BTBD8: variants seen among roughly 807,000 people sequenced by gnomAD.
The protein encoded by BTBD8 is BTB domain containing 8, also known as BTB/POZ domain-containing protein 8.
BTBD8 carries 110 observed loss-of-function variants against 162.9 expected under a neutral mutation model. The observed-to-expected ratio is 0.68, with a 90% CI of 0.58 to 0.79. The LOEUF (loss-of-function observed/expected upper bound fraction) is 0.79. Among genes scored for constraint, BTBD8 ranks in the 30% least tolerant of loss-of-function variants. The pLI is 0.00. For missense variants in BTBD8, 1,905 were observed against 2,085.4 expected (o/e 0.91, Z 1.68); for synonymous variants, 667 against 716.1 (o/e 0.93, Z 1.10).
intron 9 of BTBD8, among the ~76,000 whole-genome samples, chr1:92,162,945 G>T (rs937306050): frequency 1.3e-5 from 2 of 152,230 alleles, no homozygotes; most frequent in Middle Eastern, 6.8e-3. Context: ...TTAAGTAGAG[G>T]ACTGGTTAAA....
At chr1:92,102,783 C>A in intron 3 of BTBD8, 114 bp downstream of exon 3, 2 of 999,870 alleles carry the variant, frequency 2.0e-6, no homozygotes, top group Non-Finnish European at 2.7e-6. Context: ...TTTTAATAAG[C>A]ATGGAGAACT....
At chr1:92,088,568 AT>A (rs1383801743) in intron 1 of BTBD8, 129 bp from the exon 2 acceptor site, 1 of 696,806 alleles carries the variant, frequency 1.4e-6, no homozygotes, top group East Asian at 3.1e-5. Context: ...GAACAAACTC[AT>A]TTTTGTATTA....
At chr1:92,082,936 C>T (rs1311351633) in intron 1 of BTBD8, among the ~76,000 whole-genome samples, 1 of 151,968 alleles carries the variant, frequency 6.6e-6, no homozygotes, top group African/African-American at 2.4e-5. Context: ...TCTCATGAAT[C>T]CTGTGAGGTA....
At chr1:92,127,804 G>A (rs986119779) in intron 4 of BTBD8, among the ~76,000 whole-genome samples, 2 of 151,870 alleles carry the variant, frequency 1.3e-5, no homozygotes, top group South Asian at 2.1e-4. Context: ...CAAGTGATCC[G>A]CCCGCCATGG....
intron 1 of BTBD8, among the ~76,000 whole-genome samples, chr1:92,087,352 A>G (rs1490059443): frequency 6.6e-6 from 1 of 152,160 alleles, no homozygotes; most frequent in African/African-American, 2.4e-5. Context: ...GAGTGTTTGT[A>G]GAGTTTCTAT....
chr1:92,138,793 G>A (rs1304359799), intron 5 of BTBD8, among the ~76,000 whole-genome samples: 2 of 152,220 alleles, frequency 1.3e-5, no homozygotes, highest in East Asian at 3.8e-4. Context: ...AGAAGGTCAT[G>A]AATTTAGAGT....
Position 92,182,511 on chromosome 1 carries a change from C to G in BTBD8, c.4828C>G (p.Arg1610Gly). 1 of 1,547,974 alleles carries G rather than the reference C, an allele frequency of 6.5e-7. No individual in the cohort carries two copies. The highest frequency in any genetic ancestry group is 8.7e-7 in the Non-Finnish European group (1 of 1,145,304). Residue 1610 changes from arginine to glycine, a missense_variant, in exon 17 of 18, where the codon CGG becomes GGG. This residue lies in a region of BTBD8 where 517 missense variants were observed against 606.6 expected (regional missense o/e 0.85). Coordinates refer to ENST00000636805, the MANE Select transcript of BTBD8 (RefSeq NM_001376131.1). ...NSSTKSLDSFRSQVLPQEGPV... is the reference protein window; with the variant it reads ...NSSTKSLDSFGSQVLPQEGPV... ...CTCTACAAAATCTCTAGACTCCTTT[C>G]GGAGTCAAGTTCTGCCTCAGGAAGG...
In BTBD8 at chr1:92,129,668, T is replaced by TC; in HGVS notation, c.663-13dup. 6.3e-7 allele frequency: 1 copy of TC among 1,581,886 alleles called. No individual in the cohort carries two copies. Among genetic ancestry groups the TC allele is most frequent in the Non-Finnish European group, 8.7e-7 (1 of 1,150,786 alleles). ...ATATGTAAATGTTTACCTGTGTTTC[T>TC]CCCCCCTCTTCCCTTTAGGGCCATT... On this transcript the variant is annotated intron_variant, in intron 4 of 17. Coordinates refer to ENST00000636805, the MANE Select transcript of BTBD8 (RefSeq NM_001376131.1).
chr1:92,177,740 C>A, intron 14 of BTBD8, 71 bp from the exon 15 acceptor site: 1 of 966,350 alleles, frequency 1.0e-6, no homozygotes, highest in Non-Finnish European at 1.6e-6. Context: ...TAGTGTCTAA[C>A]CAGTAAACTT....
At chr1:92,173,171 C>T (rs943354635) in intron 13 of BTBD8, among the ~76,000 whole-genome samples, 4 of 152,184 alleles carry the variant, frequency 2.6e-5, no homozygotes, top group African/African-American at 9.7e-5. Context: ...GTGATCTGCC[C>T]GCCTCGGCCT....
intron 1 of BTBD8, among the ~76,000 whole-genome samples, chr1:92,083,381 T>C (rs1648077472): frequency 6.6e-6 from 1 of 152,156 alleles, no homozygotes; most frequent in African/African-American, 2.4e-5. Flanking sequence ...GGTTCATGTT[T>C]ATTATAGAAC....
Position 92,166,990 on chromosome 1 carries a change from A to G in BTBD8, c.1155A>G (p.Glu385=), listed in dbSNP as rs1650401327. 1 of 1,549,026 alleles carries G rather than the reference A, an allele frequency of 6.5e-7. No homozygotes were observed. Among genetic ancestry groups the G allele is most frequent in the East Asian group, 2.4e-5 (1 of 40,886 alleles). ...AGAATGCTGCTTTTCTTCTGATGGA[A>G]AGTGACAGGCTAATCATCAGTTTAC... ...NDKNAAFLLM[E]SDRLIISLPR... is the part of the protein sequence containing the mutation. The change falls in exon 10 of 18, where the codon GAA becomes GAG. Residue 385 remains glutamate (E), a synonymous_variant. Transcript: ENST00000636805.
intron 4 of BTBD8, among the ~76,000 whole-genome samples, chr1:92,124,869 G>A (rs1649310749): frequency 6.6e-6 from 1 of 152,020 alleles, no homozygotes; most frequent in Non-Finnish European, 1.5e-5. Flanking sequence ...ATTATGGTGA[G>A]TTTTGAACTA....
chr1:92,165,193 A>G (rs1482400257), intron 9 of BTBD8, among the ~76,000 whole-genome samples: 2 of 152,064 alleles, frequency 1.3e-5, no homozygotes, highest in Non-Finnish European at 2.9e-5. Context: ...TAAACTTGTT[A>G]TCTTAGAGAT....
At chr1:92,122,078 T>G (rs1042015038) in intron 4 of BTBD8, among the ~76,000 whole-genome samples, 3 of 152,188 alleles carry the variant, frequency 2.0e-5, no homozygotes, top group Non-Finnish European at 4.4e-5. Context: ...GACATACTGT[T>G]GTGTCTGGCC....
chr1:92,117,257 A>C (rs1557445426), intron 4 of BTBD8, among the ~76,000 whole-genome samples: 1 of 151,878 alleles, frequency 6.6e-6, no homozygotes. Flanking sequence ...GCTGCTTCAC[A>C]TTACCTAATA....
rs1053945646 is a variant in BTBD8 at position 92,184,579 on chromosome 1, T to C, written c.*249T>C. The C allele has an allele frequency of 1.6e-5, 5 of 313,438 alleles. No individual in the cohort carries two copies. The highest frequency in any genetic ancestry group is 2.3e-5 in the Non-Finnish European group (4 of 171,326). 19.4% of individuals were successfully genotyped at this position (313,438 alleles called of 1,614,324 possible). On this transcript the variant is annotated 3_prime_UTR_variant, in exon 18 of 18. Coordinates refer to ENST00000636805, the MANE Select transcript of BTBD8 (RefSeq NM_001376131.1). ...TATAAGGAAACCCTAGCTTCAGTTT[T>C]CCTTTCCTAGCTGATGATTTGTTCA... is the stretch of plus-strand genomic sequence containing the variant.
intron 4 of BTBD8, among the ~76,000 whole-genome samples, chr1:92,118,727 A>G: frequency 6.6e-6 from 1 of 151,324 alleles, no homozygotes; most frequent in Non-Finnish European, 1.5e-5. Flanking sequence ...AATTTATTCA[A>G]TCACTTACAT....
intron 13 of BTBD8, among the ~76,000 whole-genome samples, chr1:92,171,906 C>G (rs1361853054): frequency 1.3e-5 from 2 of 152,140 alleles, no homozygotes; most frequent in African/African-American, 4.8e-5. Context: ...GCCAGGCCAA[C>G]ATGGTGAAAC....
Sources: gnomAD v4.1 joint callset for allele counts (sites outside exome capture counted in the v4.1 genomes callset) on GRCh38, gnomAD v4.1.1 for gene constraint, gnomAD v4.1.1 regional missense constraint, MANE v1.5 for transcripts, NCBI Gene and HGNC (gene_info 2026-07-23, HGNC 2026-07-21) for gene names.